ZFPM1: variants seen among roughly 807,000 people sequenced by gnomAD.
ZFPM1 encodes the protein zinc finger protein, FOG family member 1.
Under a neutral mutation model 46.3 loss-of-function variants are expected in ZFPM1, and 28 were observed. That is an observed-to-expected ratio of 0.60 (90% confidence interval 0.45 to 0.83). The LOEUF (loss-of-function observed/expected upper bound fraction) is 0.83. Ranked by LOEUF, ZFPM1 falls within the 40% of genes least tolerant of loss-of-function variation. The pLI is 0.00. For synonymous variants in ZFPM1, 957 were observed against 675.9 expected, an observed-to-expected ratio of 1.42 and a Z score of -6.45; for missense variants, 1,878 against 1,432.4, an observed-to-expected ratio of 1.31 and a Z score of -5.02.
intron 6 of ZFPM1, among the ~76,000 whole-genome samples, chr16:88,529,679 G>A (rs1275551986): frequency 6.6e-6 from 1 of 152,204 alleles, no homozygotes; most frequent in South Asian, 2.1e-4. Context: ...GGGGGTCCTG[G>A]AGGGCGGCAG....
intron 2 of ZFPM1, among the ~76,000 whole-genome samples, chr16:88,487,458 G>A (rs978676685): frequency 2.0e-5 from 3 of 152,236 alleles, no homozygotes; most frequent in Admixed American, 6.5e-5. Context: ...AGAGATGGAT[G>A]CGTGGGGCTG....
At chr16:88,519,023 T>A (rs915060025) in intron 4 of ZFPM1, among the ~76,000 whole-genome samples, 2 of 147,094 alleles carry the variant, frequency 1.4e-5, no homozygotes, top group Non-Finnish European at 3.0e-5. Context: ...GATGAGTGGG[T>A]GGGTGGATGG....
intron 1 of ZFPM1, among the ~76,000 whole-genome samples, chr16:88,462,281 C>G (rs1318576018): frequency 6.6e-6 from 1 of 152,236 alleles, no homozygotes; most frequent in Non-Finnish European, 1.5e-5. Context: ...GGCCCTGACT[C>G]CCCTGGTTCC....
At chr16:88,527,842 C>G (rs1912465676) in intron 5 of ZFPM1, among the ~76,000 whole-genome samples, 190 bp from the exon 6 acceptor site, 1 of 150,934 alleles carries the variant, frequency 6.6e-6, no homozygotes, top group Non-Finnish European at 1.5e-5. Flanking sequence ...GGCCTGGAGG[C>G]AGGCAGGCTG....
intron 1 of ZFPM1, among the ~76,000 whole-genome samples, chr16:88,474,322 A>G (rs1417835666): frequency 1.3e-5 from 2 of 152,126 alleles, no homozygotes; most frequent in Non-Finnish European, 2.9e-5. Flanking sequence ...GATCCAAGGG[A>G]GCCCGAAGAG....
chr16:88,486,515 G>C (rs1330180012), intron 2 of ZFPM1, among the ~76,000 whole-genome samples: 2 of 151,660 alleles, frequency 1.3e-5, no homozygotes, highest in Non-Finnish European at 2.9e-5. Flanking sequence ...GGTGCAAGTG[G>C]GTGCTGGGTG....
chr16:88,516,724 C>T (rs887705203), intron 4 of ZFPM1: 10 of 396,148 alleles, frequency 2.5e-5, no homozygotes, highest in Admixed American at 8.8e-5. Flanking sequence ...GTTCTCTCCC[C>T]GACCCCTCCC....
At chr16:88,491,624 C>T in intron 3 of ZFPM1, among the ~76,000 whole-genome samples, 1 of 152,192 alleles carries the variant, frequency 6.6e-6, no homozygotes, top group East Asian at 1.9e-4. Context: ...ACGGAGAAGG[C>T]CCTGGGGGAT....
At chr16:88,458,725 G>A (rs1375980957) in intron 1 of ZFPM1, among the ~76,000 whole-genome samples, 1 of 152,188 alleles carries the variant, frequency 6.6e-6, no homozygotes, top group Non-Finnish European at 1.5e-5. Context: ...CATACCCGTG[G>A]GTATTCCTGG....
At chr16:88,495,393 G>A (rs1327815405) in intron 3 of ZFPM1, among the ~76,000 whole-genome samples, 1 of 152,248 alleles carries the variant, frequency 6.6e-6, no homozygotes, top group East Asian at 1.9e-4. Flanking sequence ...GGGGAACTGG[G>A]CTCAGAGGAA....
chr16:88,523,916 C>G (rs930806473), intron 4 of ZFPM1, among the ~76,000 whole-genome samples: 23 of 152,312 alleles, frequency 1.5e-4, no homozygotes, highest in Admixed American at 7.2e-4. Flanking sequence ...CTCGGCGGGG[C>G]CGGGCGGGAA....
At chr16:88,517,484 A>ATGGC (rs1491249489) in intron 4 of ZFPM1, among the ~76,000 whole-genome samples, 1 of 130,450 alleles carries the variant, frequency 7.7e-6, no homozygotes, top group Non-Finnish European at 1.6e-5. Flanking sequence ...GGGTGGATGG[A>ATGGC]TGGATGGATG....
chr16:88,482,916 G>A (rs886426958), intron 1 of ZFPM1, among the ~76,000 whole-genome samples: 1 of 152,208 alleles, frequency 6.6e-6, no homozygotes, highest in African/African-American at 2.4e-5. Context: ...GCCTGCTCAG[G>A]GCCGACCCCA....
At chr16:88,523,997 G>A (rs1046834448) in intron 4 of ZFPM1, among the ~76,000 whole-genome samples, 32 of 152,224 alleles carry the variant, frequency 2.1e-4, no homozygotes, top group African/African-American at 7.2e-4. Context: ...GCACAGTTGC[G>A]GCGCGTGTTT....
intron 3 of ZFPM1, among the ~76,000 whole-genome samples, chr16:88,511,573 A>G (rs1472037195): frequency 6.6e-6 from 1 of 151,940 alleles, no homozygotes; most frequent in Non-Finnish European, 1.5e-5. Flanking sequence ...CTCAGCCTTG[A>G]GCCAAGTCCT....
rs763875229 is a variant in ZFPM1 at position 88,532,049 on chromosome 16, C to G, written c.760C>G (p.Arg254Gly). Residue 254 changes from arginine (R) to glycine (G), a missense_variant, in exon 7 of 10, where the codon CGC becomes GGC. Transcript: ENST00000319555. Reference protein sequence around the residue: ...KDCGIWYRSERNLQAHLLYYC... With the variant: ...KDCGIWYRSEGNLQAHLLYYC... ...CTGTGGCATCTGGTACCGCAGCGAG[C>G]GCAACCTGCAGGCGCACCTGCTCTA... 1 of 1,612,140 alleles carries G rather than the reference C, an allele frequency of 6.2e-7. No individual in the cohort carries two copies. The highest frequency in any genetic ancestry group is 8.5e-7 in the Non-Finnish European group (1 of 1,179,478).
Position 88,534,320 on chromosome 16 carries a change from G to C in ZFPM1, c.2362G>C (p.Gly788Arg). 2.3e-6 allele frequency: 3 copies of C among 1,326,392 alleles called. No individual in the cohort carries two copies. Among genetic ancestry groups the C allele is most frequent in the Non-Finnish European group, 1.9e-6 (2 of 1,040,236 alleles). The allele number at this position is 1,326,392 out of a possible 1,614,324, so 82.2% of individuals were successfully genotyped here. Residue 788 changes from glycine to arginine, a missense_variant, in exon 10 of 10, where the codon GGC becomes CGC. By Grantham distance (125) the Gly-to-Arg change is moderately radical. Coordinates refer to ENST00000319555, the MANE Select transcript of ZFPM1 (RefSeq NM_153813.3). Reference protein sequence around the residue: ...GPGLAPARSPGPAADGPIDLS... With the variant: ...GPGLAPARSPRPAADGPIDLS... The stretch of plus-strand genomic sequence containing the variant: ...CGGCCTCGCCCCTGCGCGCTCGCCC[G>C]GCCCCGCGGCCGACGGCCCCATCGA...
At chr16:88,465,638 C>T (rs1379937219) in intron 1 of ZFPM1, among the ~76,000 whole-genome samples, 1 of 152,186 alleles carries the variant, frequency 6.6e-6, no homozygotes, top group African/African-American at 2.4e-5. Context: ...TCCCATTGGC[C>T]AGCTGGGGAG....
chr16:88,520,264 GTGGA>G lies in ZFPM1; in HGVS notation c.402+5758_402+5761del, dbSNP rs538847868. 9.3e-5 allele frequency among the ~76,000 whole-genome samples: 14 copies of G among 151,002 alleles called. No homozygotes were observed. In the South Asian group the frequency reaches 2.1e-3, roughly 23 times the overall value. ...GCTGGGTGGATGGATAGATGGATGA[GTGGA>G]TGGATGGATGGATAGATAGGTAGGT... On this transcript the variant is annotated intron_variant, in intron 4 of 9. Coordinates refer to ENST00000319555, the MANE Select transcript of ZFPM1 (RefSeq NM_153813.3).
Sources: gnomAD v4.1 joint callset for allele counts (sites outside exome capture counted in the v4.1 genomes callset) on GRCh38, gnomAD v4.1.1 for gene constraint, MANE v1.5 for transcripts, NCBI Gene and HGNC (gene_info 2026-07-23, HGNC 2026-07-21) for gene names.